MAGI2: variants seen among roughly 807,000 people sequenced by gnomAD.
The protein encoded by MAGI2 is membrane associated guanylate kinase, WW and PDZ domain containing 2, also known as membrane-associated guanylate kinase, WW and PDZ domain-containing protein 2.
Under a neutral mutation model 133.3 loss-of-function variants are expected in MAGI2, and 35 were observed. The observed-to-expected ratio is 0.26, with a 90% confidence interval of 0.20 to 0.35. The LOEUF (loss-of-function observed/expected upper bound fraction) is 0.35. Among genes scored for constraint, MAGI2 ranks in the 10% least tolerant of loss-of-function variants. The pLI, the probability that MAGI2 is intolerant of heterozygous loss-of-function variation, is 1.00. For missense variants in MAGI2, 1,636 were observed against 1,863.4 expected, an observed-to-expected ratio of 0.88 and a Z score of 2.25; for synonymous variants, 729 against 710.6, an observed-to-expected ratio of 1.03 and a Z score of -0.41.
intron 1 of MAGI2, among the ~76,000 whole-genome samples, chr7:79,321,854 G>A (rs1650442329): frequency 6.6e-6 from 1 of 152,128 alleles, no homozygotes. Flanking sequence ...AGTTACTATT[G>A]TTGGAAATAG....
chr7:78,451,188 G>A (rs766722688), intron 6 of MAGI2, among the ~76,000 whole-genome samples: 23 of 152,050 alleles, frequency 1.5e-4, no homozygotes, highest in Non-Finnish European at 3.2e-4. Flanking sequence ...TATTGATTTT[G>A]TGCAGAATAA....
intron 2 of MAGI2, among the ~76,000 whole-genome samples, chr7:78,741,376 AAC>A (rs55784786): frequency 0.033 from 3,897 of 117,394 alleles, 84 homozygotes; most frequent in South Asian, 0.064. Flanking sequence ...AAAAAGTTGA[AAC>A]ACACACACAC....
In MAGI2 at chr7:79,395,075, GA is replaced by G. The variant is rs1388009957; in HGVS notation, c.301+57944del. Among the ~76,000 whole-genome samples, 13 of 152,218 alleles carry G rather than the reference GA, an allele frequency of 8.5e-5. No individual in the cohort carries two copies. In the East Asian group the frequency reaches 2.5e-3, roughly 29 times the overall value. On this transcript the variant is annotated intron_variant, in intron 1 of 21. Coordinates refer to ENST00000354212, the MANE Select transcript of MAGI2 (RefSeq NM_012301.4). ...ATTATGTGTGTGAAAATATGTCATT[GA>G]AAAAATGTTATTGAAATCAATTGGC... is the stretch of plus-strand genomic sequence containing the variant.
chr7:78,104,262 A>G (rs558562257), intron 20 of MAGI2, among the ~76,000 whole-genome samples: 54 of 151,876 alleles, frequency 3.6e-4, no homozygotes, highest in Admixed American at 9.8e-4. Flanking sequence ...TCGCTCTGTC[A>G]CCCAGGCTGG....
intron 1 of MAGI2, among the ~76,000 whole-genome samples, chr7:79,111,722 A>AGT: frequency 6.6e-6 from 1 of 152,212 alleles, no homozygotes; most frequent in South Asian, 2.1e-4. Context: ...GCTGGAGTGT[A>AGT]GTGGCACGAT....
At chr7:78,557,512 G>A (rs905870475) in intron 3 of MAGI2, among the ~76,000 whole-genome samples, 6 of 152,078 alleles carry the variant, frequency 3.9e-5, no homozygotes, top group Non-Finnish European at 8.8e-5. Flanking sequence ...TTGGGTATCT[G>A]GCCCTCTAGC....
intron 2 of MAGI2, among the ~76,000 whole-genome samples, chr7:78,994,998 T>C (rs1350705758): frequency 1.3e-5 from 2 of 152,032 alleles, no homozygotes; most frequent in Non-Finnish European, 2.9e-5. Flanking sequence ...GAAATGCAGG[T>C]AGAAAGTCTA....
At chr7:78,958,314 G>A (rs560891993) in intron 2 of MAGI2, among the ~76,000 whole-genome samples, 39 of 152,090 alleles carry the variant, frequency 2.6e-4, no homozygotes, top group Non-Finnish European at 4.0e-4. Flanking sequence ...TCTAAATTGG[G>A]TGAGATGACA....
intron 9 of MAGI2, among the ~76,000 whole-genome samples, chr7:78,322,634 T>A (rs534905776): frequency 5.3e-5 from 8 of 152,082 alleles, no homozygotes; most frequent in Non-Finnish European, 1.2e-4. Context: ...AGGGGAGGGA[T>A]AGCATTAGGA....
chr7:78,119,514 T>C lies in MAGI2; in HGVS notation c.3567+6180A>G, dbSNP rs552783235. ...AGGCGGAGGTTGCAGTGAGCCAAGATTGTGCCCCTGCACTCCTGCCTGGGT... is the reference window on the plus strand; with the variant it reads ...AGGCGGAGGTTGCAGTGAGCCAAGACTGTGCCCCTGCACTCCTGCCTGGGT... On this transcript the variant is annotated intron_variant, in intron 20 of 21. Coordinates refer to ENST00000354212, the MANE Select transcript of MAGI2 (RefSeq NM_012301.4). 2.0e-4 allele frequency among the ~76,000 whole-genome samples: 27 copies of C among 135,972 alleles called. 1 individual carries two copies. In the South Asian group the frequency reaches 5.3e-3, roughly 27 times the overall value. The allele number at this position is 135,972 out of a possible 152,430, so 89.2% of individuals were successfully genotyped here.
chr7:78,062,780 C>T (rs1240043774), intron 21 of MAGI2, among the ~76,000 whole-genome samples: 1 of 152,188 alleles, frequency 6.6e-6, no homozygotes, highest in Non-Finnish European at 1.5e-5. Flanking sequence ...GGCTTCCTCA[C>T]TTAAGTGTCT....
chr7:78,894,198 G>A (rs1797015797), intron 2 of MAGI2, among the ~76,000 whole-genome samples: 2 of 152,136 alleles, frequency 1.3e-5, no homozygotes, highest in South Asian at 2.1e-4. Flanking sequence ...TCAGGAGATC[G>A]AGATGATCCT....
chr7:78,847,385 A>C (rs900570003), intron 2 of MAGI2, among the ~76,000 whole-genome samples: 1 of 152,004 alleles, frequency 6.6e-6, no homozygotes, highest in African/African-American at 2.4e-5. Context: ...GTAAAATAAA[A>C]GTTTAGAAGA....
intron 9 of MAGI2, among the ~76,000 whole-genome samples, chr7:78,310,068 T>G (rs1434360168): frequency 6.6e-6 from 1 of 152,140 alleles, no homozygotes; most frequent in African/African-American, 2.4e-5. Context: ...AAGCAAAAAA[T>G]TATTCTTCTA....
intron 1 of MAGI2, chr7:79,413,924 G>A (rs961229971): frequency 1.6e-4 from 25 of 152,004 alleles, no homozygotes; most frequent in African/African-American, 5.3e-4. Context: ...GATCTCTGAT[G>A]TTTTTGCCAT....
chr7:79,263,435 A>T (rs554852454), intron 1 of MAGI2, among the ~76,000 whole-genome samples: 164 of 152,180 alleles, frequency 1.1e-3, no homozygotes, highest in African/African-American at 3.7e-3. Context: ...TGACACCAGG[A>T]CCAGAGCTAA....
intron 1 of MAGI2, among the ~76,000 whole-genome samples, chr7:79,326,714 T>C: frequency 6.6e-6 from 1 of 151,872 alleles, no homozygotes; most frequent in African/African-American, 2.4e-5. Flanking sequence ...TACTGAAAAG[T>C]ACAGGGCCAC....
intron 2 of MAGI2, among the ~76,000 whole-genome samples, chr7:78,865,977 G>T (rs889427269): frequency 8.5e-5 from 13 of 152,056 alleles, no homozygotes; most frequent in African/African-American, 3.1e-4. Context: ...GATACAATCT[G>T]AATTTAACTT....
intron 3 of MAGI2, among the ~76,000 whole-genome samples, chr7:78,573,284 TTATATAAATATATATATTTA>T (rs1801846973): frequency 3.7e-5 from 1 of 26,874 alleles, no homozygotes; most frequent in African/African-American, 2.2e-4. Context: ...ATATATATAT[TTATATAAATATATATATTTA>T]TATATATAAA....
Sources: allele counts gnomAD v4.1 joint callset (sites outside exome capture counted in the v4.1 genomes callset), GRCh38; gene constraint gnomAD v4.1.1; transcripts MANE v1.5; gene names NCBI Gene and HGNC (gene_info 2026-07-23, HGNC 2026-07-21).